SOCS5: variants seen among roughly 807,000 people sequenced by gnomAD.
The protein encoded by SOCS5 is suppressor of cytokine signaling 5.
A neutral mutation model predicts 42.8 loss-of-function variants in SOCS5; 32 were observed. The ratio of observed to expected loss-of-function variants is 0.75; its 90% CI spans 0.56 to 1.01. The LOEUF is 1.01. Among genes scored for constraint, SOCS5 ranks in the 50% least tolerant of loss-of-function variants. SOCS5 has a pLI of 0.00. For missense variants in SOCS5, 627 were observed against 653.0 expected (o/e 0.96, Z 0.43); for synonymous variants, 283 against 229.6 (o/e 1.23, Z -2.10).
intron 1 of SOCS5, among the ~76,000 whole-genome samples, chr2:46,742,795 A>T (rs1673407867): frequency 6.6e-6 from 1 of 151,872 alleles, no homozygotes; most frequent in Non-Finnish European, 1.5e-5. Context: ...CCTCCCGAGT[A>T]GCTCACATTA....
intron 1 of SOCS5, among the ~76,000 whole-genome samples, chr2:46,727,039 A>C (rs1673009811): frequency 6.6e-6 from 1 of 151,852 alleles, no homozygotes; most frequent in Non-Finnish European, 1.5e-5. Context: ...TACAGGCATG[A>C]GCCATTGTGC....
chr2:46,712,557 T>C (rs1350590168), intron 1 of SOCS5, among the ~76,000 whole-genome samples: 1 of 152,160 alleles, frequency 6.6e-6, no homozygotes, highest in East Asian at 1.9e-4. Flanking sequence ...TTGGCCAGGC[T>C]GGTCTCGAAT....
rs1210996352 is a variant in SOCS5 at position 46,758,746 on chromosome 2, G to C, written c.216G>C (p.Ser72=). 10 of 1,614,022 alleles carry C rather than the reference G, an allele frequency of 6.2e-6. No individual in the cohort carries two copies. The highest frequency in any genetic ancestry group is 2.2e-5 in the East Asian group (1 of 44,876). ...CCTTACAACTGGGATTAAGCCCTTC[G>C]AAGAATTCTTCAAGGAGAAATCAAA... ...NIALQLGLSP[S]KNSSRRNQNC... The change falls in exon 2 of 2, where the codon TCG becomes TCC. Residue 72 remains serine (S), a synonymous_variant. Transcript: ENST00000394861.
intron 1 of SOCS5, among the ~76,000 whole-genome samples, chr2:46,752,448 A>G (rs369147490): frequency 6.6e-6 from 1 of 152,060 alleles, no homozygotes. Flanking sequence ...CCTTCCCCAT[A>G]ATAGGCAACC....
rs757902963 is a variant in SOCS5 at position 46,759,036 on chromosome 2, G to T, written c.506G>T (p.Ser169Ile). 9.3e-6 allele frequency: 15 copies of T among 1,613,892 alleles called. No homozygotes were observed. The highest frequency in any genetic ancestry group is 1.2e-5 in the Non-Finnish European group (14 of 1,179,878). The change falls in exon 2 of 2, where the codon AGC becomes ATC. Residue 169 changes from serine (S) to isoleucine (I), a missense_variant. Around this residue, in one of 3 missense-constraint regions of SOCS5, gnomAD observed 278 missense variants for 246.3 expected, o/e 1.13. Transcript: ENST00000394861. The stretch of plus-strand genomic sequence containing the variant: ...GTACACGACATGGACAGTGTTTCCA[G>T]CAGAACTGTAGGAAGTCGCTCTCTA... The part of the protein sequence containing the change: ...SSVHDMDSVS[S>I]RTVGSRSLRQ...
intron 1 of SOCS5, among the ~76,000 whole-genome samples, chr2:46,733,385 A>G (rs1460805907): frequency 6.6e-6 from 1 of 152,108 alleles, no homozygotes; most frequent in African/African-American, 2.4e-5. Context: ...GTGAGCCACC[A>G]TGCCCAGCCA....
At chr2:46,730,489 A>T (rs1444413714) in intron 1 of SOCS5, among the ~76,000 whole-genome samples, 1 of 152,018 alleles carries the variant, frequency 6.6e-6, no homozygotes, top group Non-Finnish European at 1.5e-5. Context: ...AATCCCAGCC[A>T]CTTTGGAGGC....
At chr2:46,747,414 C>T (rs570026728) in intron 1 of SOCS5, among the ~76,000 whole-genome samples, 17 of 152,062 alleles carry the variant, frequency 1.1e-4, no homozygotes, top group Non-Finnish European at 1.8e-4. Context: ...CAGGGTTTTG[C>T]CTTGTTGCCC....
intron 1 of SOCS5, among the ~76,000 whole-genome samples, chr2:46,742,832 A>G (rs1673408576): frequency 6.6e-6 from 1 of 151,812 alleles, no homozygotes; most frequent in Admixed American, 6.6e-5. Context: ...TACCTGGCTA[A>G]TTTTTGTATT....
At chr2:46,739,523 A>G (rs919943926) in intron 1 of SOCS5, among the ~76,000 whole-genome samples, 20 of 152,218 alleles carry the variant, frequency 1.3e-4, no homozygotes, top group African/African-American at 4.8e-4. Context: ...AATACATTAT[A>G]AAGATACAGT....
intron 1 of SOCS5, among the ~76,000 whole-genome samples, chr2:46,747,643 G>C (rs1410072405): frequency 6.6e-6 from 1 of 152,048 alleles, no homozygotes; most frequent in African/African-American, 2.4e-5. Flanking sequence ...TCTTCCTGTG[G>C]TCATTGTACT....
intron 1 of SOCS5, among the ~76,000 whole-genome samples, chr2:46,755,046 T>TG (rs1246029458): frequency 1.3e-5 from 2 of 152,198 alleles, no homozygotes; most frequent in Non-Finnish European, 2.9e-5. Context: ...TTTTTGTTAC[T>TG]GTAACTGAAG....
chr2:46,747,423 C>T (rs1673527712), intron 1 of SOCS5, among the ~76,000 whole-genome samples: 1 of 152,018 alleles, frequency 6.6e-6, no homozygotes, highest in Non-Finnish European at 1.5e-5. Context: ...GCCTTGTTGC[C>T]CAGGCTGGTC....
intron 1 of SOCS5, among the ~76,000 whole-genome samples, chr2:46,703,093 C>G (rs551954261): frequency 1.3e-5 from 2 of 152,216 alleles, no homozygotes; most frequent in East Asian, 3.9e-4. Flanking sequence ...TTCAATGTAT[C>G]TCACATAATG....
At chr2:46,752,484 C>A (rs976729319) in intron 1 of SOCS5, among the ~76,000 whole-genome samples, 2 of 152,244 alleles carry the variant, frequency 1.3e-5, no homozygotes, top group Admixed American at 1.3e-4. Context: ...CTGACATCCC[C>A]TTGCTTTTGT....
chr2:46,735,831 A>G (rs1296260453), intron 1 of SOCS5, among the ~76,000 whole-genome samples: 2 of 152,098 alleles, frequency 1.3e-5, no homozygotes, highest in African/African-American at 2.4e-5. Flanking sequence ...TTTCTCCATT[A>G]TGTGAAAAGA....
chr2:46,708,801 C>T (rs1230767245), intron 1 of SOCS5, among the ~76,000 whole-genome samples: 1 of 150,756 alleles, frequency 6.6e-6, no homozygotes, highest in African/African-American at 2.4e-5. Context: ...TATCCCTCAA[C>T]TAGAGTTTCT....
rs1672657417 is a variant in SOCS5, at chr2:46,712,810, T to A, written c.-13+13361T>A. ...ATGTATTGTCGTTTTTTTGTTTTTG[T>A]TTTTGCTTTTTGTTTTGTTTCCTCT... On this transcript the variant is annotated intron_variant, in intron 1 of 1. Transcript: ENST00000394861. Among the ~76,000 whole-genome samples, 2 of 152,168 alleles carry A rather than the reference T, an allele frequency of 1.3e-5. 1 individual carries two copies. Among genetic ancestry groups the A allele is most frequent in the South Asian group, 4.1e-4 (2 of 4,834 alleles).
At chr2:46,749,517 G>A (rs1201246396) in intron 1 of SOCS5, among the ~76,000 whole-genome samples, 1 of 152,134 alleles carries the variant, frequency 6.6e-6, no homozygotes, top group East Asian at 1.9e-4. Flanking sequence ...TTGATGAATC[G>A]TGTATTTGTT....
Sources: gnomAD v4.1 joint callset for allele counts (sites outside exome capture counted in the v4.1 genomes callset) on GRCh38, gnomAD v4.1.1 for gene constraint, gnomAD v4.1.1 regional missense constraint, MANE v1.5 for transcripts, NCBI Gene and HGNC (gene_info 2026-07-23, HGNC 2026-07-21) for gene names.